SPRR2B: variants seen among roughly 807,000 people sequenced by gnomAD.
The protein encoded by SPRR2B is small proline rich protein 2B.
Under a neutral mutation model 1.0 loss-of-function variants are expected in SPRR2B, and 1 was observed. The observed-to-expected ratio is 1.01, with a 90% CI of 0.36 to 4.77. The LOEUF (loss-of-function observed/expected upper bound fraction) is 4.77, where lower values mean the gene tolerates loss of function less well. Among genes scored for constraint, SPRR2B ranks in the 30% most tolerant of loss-of-function variants. The pLI is 0.16. For synonymous variants in SPRR2B, 27 were observed against 33.4 expected, an observed-to-expected ratio of 0.81 and a Z score of 0.66; for missense variants, 53 against 88.7, an observed-to-expected ratio of 0.60 and a Z score of 1.62.
the SPRR2B span, among the ~76,000 whole-genome samples, chr1:153,076,908 T>C: frequency 9.2e-5 from 14 of 152,210 alleles, no homozygotes; most frequent in African/African-American, 2.9e-4. Context: ...AAAGACATGG[T>C]TGAATTTGAA....
chr1:153,073,551 G>A (rs1161971860), upstream of SPRR2B, among the ~76,000 whole-genome samples: 2 of 152,072 alleles, frequency 1.3e-5, no homozygotes, highest in South Asian at 2.1e-4. Context: ...CTCACTTTAC[G>A]AGTTGAGATG....
the SPRR2B span, among the ~76,000 whole-genome samples, chr1:153,077,737 T>A: frequency 6.6e-6 from 1 of 152,142 alleles, no homozygotes; most frequent in Admixed American, 6.5e-5. Context: ...TGCCTCAGCC[T>A]CCTTAGTAGT....
chr1:153,075,443 G>A (rs966041301), upstream of SPRR2B, among the ~76,000 whole-genome samples: 2 of 152,240 alleles, frequency 1.3e-5, no homozygotes, highest in African/African-American at 4.8e-5. Flanking sequence ...GAATGAGTTT[G>A]TCTACTATCT....
the SPRR2B span, among the ~76,000 whole-genome samples, chr1:153,083,734 C>A: frequency 3.9e-5 from 6 of 152,206 alleles, no homozygotes; most frequent in South Asian, 4.1e-4. Context: ...CTCTGGAATT[C>A]CAGCAGGAGA....
At chr1:153,077,709 G>A in the SPRR2B span, among the ~76,000 whole-genome samples, 2 of 151,444 alleles carry the variant, frequency 1.3e-5, no homozygotes, top group African/African-American at 4.9e-5. Context: ...CTCTGCCTCT[G>A]GGCTCAAGCT....
chr1:153,077,908 A>G, the SPRR2B span, among the ~76,000 whole-genome samples: 1 of 152,244 alleles, frequency 6.6e-6, no homozygotes, highest in Non-Finnish European at 1.5e-5. Flanking sequence ...TTAGGATATT[A>G]TACATAATCC....
At chr1:153,081,825 CT>C in the SPRR2B span, among the ~76,000 whole-genome samples, 7,218 of 136,818 alleles carry the variant, frequency 0.053, 452 homozygotes, top group African/African-American at 0.17. Context: ...CTTTTCTTTT[CT>C]TTTTTTTTTT....
the SPRR2B span, among the ~76,000 whole-genome samples, chr1:153,077,886 A>G: frequency 3.3e-5 from 5 of 152,236 alleles, no homozygotes; most frequent in African/African-American, 1.2e-4. Context: ...TTCAAATTAG[A>G]TTACTATAAC....
At chr1:153,073,645 C>A (rs973578681), upstream of SPRR2B, among the ~76,000 whole-genome samples, 2 of 151,536 alleles carry the variant, frequency 1.3e-5, no homozygotes, top group African/African-American at 4.9e-5. Context: ...ACAGTCACAC[C>A]TTCCCCAGGT....
the SPRR2B span, among the ~76,000 whole-genome samples, chr1:153,078,741 A>G: frequency 6.6e-6 from 1 of 152,060 alleles, no homozygotes; most frequent in African/African-American, 2.4e-5. Context: ...TATGTGCCAC[A>G]TTTTCTTAAT....
At chr1:153,087,343 T>G in the SPRR2B span, among the ~76,000 whole-genome samples, 1 of 151,170 alleles carries the variant, frequency 6.6e-6, no homozygotes, top group Non-Finnish European at 1.5e-5. Flanking sequence ...ATAAAAGAAT[T>G]AGAGAACCAA....
the SPRR2B span, among the ~76,000 whole-genome samples, chr1:153,081,939 T>G: frequency 6.6e-6 from 1 of 152,198 alleles, no homozygotes; most frequent in South Asian, 2.1e-4. Context: ...ATCTTGCCTT[T>G]TTAGTAGTGG....
chr1:153,071,812 G>A (rs1654673139), upstream of SPRR2B, among the ~76,000 whole-genome samples: 1 of 152,160 alleles, frequency 6.6e-6, no homozygotes, highest in Non-Finnish European at 1.5e-5. Context: ...ATGGCAAAGA[G>A]GGACTTGGGG....
upstream of SPRR2B, among the ~76,000 whole-genome samples, chr1:153,072,983 A>C (rs941228037): frequency 6.6e-6 from 1 of 152,224 alleles, no homozygotes; most frequent in Non-Finnish European, 1.5e-5. Flanking sequence ...AAGAAGGACA[A>C]GGAAGATAAG....
rs1654644573 is a variant in SPRR2B, at chr1:153,070,748, T to C, written c.92A>G (p.Lys31Arg). The C allele has an allele frequency of 6.2e-7, 1 of 1,606,640 alleles. No homozygotes were observed. Among genetic ancestry groups the C allele is most frequent in the Admixed American group, 1.7e-5 (1 of 59,596 alleles). The change falls in exon 2 of 2, where the codon AAG becomes AGG. Residue 31 changes from lysine to arginine, a missense_variant. Transcript: ENST00000368755. ...TGGTGGTGGGCAGGGCTCAGGGCAC[T>C]TCGGGGGTGGACATGGCTCTGGGCA... ...PKCPEPCPPP[K>R]CPEPCPPPKC... is the part of the protein sequence containing the mutation.
At chr1:153,077,556 A>T in the SPRR2B span, among the ~76,000 whole-genome samples, 1 of 151,956 alleles carries the variant, frequency 6.6e-6, no homozygotes, top group Non-Finnish European at 1.5e-5. Context: ...ATGTATAGAG[A>T]TGTAATTTGT....
the SPRR2B span, among the ~76,000 whole-genome samples, chr1:153,087,296 T>A: frequency 6.7e-6 from 1 of 150,156 alleles, no homozygotes; most frequent in Non-Finnish European, 1.5e-5. Flanking sequence ...AAAAAAAAAA[T>A]CTGGAAAGAT....
chr1:153,072,822 T>A (rs1654696734), upstream of SPRR2B, among the ~76,000 whole-genome samples: 1 of 152,236 alleles, frequency 6.6e-6, no homozygotes, highest in South Asian at 2.1e-4. Context: ...TCAATGTGAA[T>A]GTCTTTCACA....
At position 153,070,410 on chromosome 1, in the gene SPRR2B, G is replaced by T; in HGVS notation, c.*211C>A. 1 of 951,134 alleles carries T rather than the reference G, an allele frequency of 1.1e-6. No homozygotes were observed. Among genetic ancestry groups the T allele is most frequent in the Non-Finnish European group, 1.5e-6 (1 of 656,542 alleles). The allele number at this position is 951,134 out of a possible 1,614,324, so 58.9% of individuals were successfully genotyped here. ...GAACTGACAAAGCCAAGGTTCCTTT[G>T]CTCAGTCTCCACCTGGACAGTGGCA... On this transcript the variant is annotated 3_prime_UTR_variant, in exon 2 of 2. Coordinates refer to ENST00000368755, the MANE Select transcript of SPRR2B (RefSeq NM_001388198.1).
Sources: gnomAD v4.1 joint callset for allele counts (sites outside exome capture counted in the v4.1 genomes callset) on GRCh38, gnomAD v4.1.1 for gene constraint, MANE v1.5 for transcripts, NCBI Gene and HGNC (gene_info 2026-07-23, HGNC 2026-07-21) for gene names.